COL12A1: variants seen among roughly 807,000 people sequenced by gnomAD.
COL12A1 encodes the protein collagen type XII alpha 1 chain.
Under a neutral mutation model 349.7 loss-of-function variants are expected in COL12A1, and 114 were observed. That is an observed-to-expected ratio of 0.33 (90% CI 0.28 to 0.38). The LOEUF (loss-of-function observed/expected upper bound fraction) is 0.38. Ranked by LOEUF, COL12A1 falls within the 10% of genes least tolerant of loss-of-function variation. The pLI is 1.00. For missense variants in COL12A1, 3,284 were observed against 3,756.9 expected (o/e 0.87, Z 3.29); for synonymous variants, 1,369 against 1,329.0 (o/e 1.03, Z -0.66).
intron 52 of COL12A1, among the ~76,000 whole-genome samples, chr6:75,108,084 T>G (rs1490006271): frequency 6.6e-6 from 1 of 152,090 alleles, no homozygotes; most frequent in African/African-American, 2.4e-5. Flanking sequence ...GATTGATTGA[T>G]TGATTGATTG....
intron 3 of COL12A1, among the ~76,000 whole-genome samples, chr6:75,193,973 T>C (rs1174451437): frequency 6.6e-6 from 1 of 152,188 alleles, no homozygotes; most frequent in East Asian, 1.9e-4. Context: ...ATCCAGTCTA[T>C]CATCGATGGA....
intron 17 of COL12A1, 24 bp from the exon 18 acceptor site, chr6:75,152,506 G>A (rs746876499): frequency 6.2e-7 from 1 of 1,612,280 alleles, no homozygotes; most frequent in African/African-American, 1.3e-5. Context: ...CATGAGACAA[G>A]ACAGTAAGAA....
At chr6:75,175,427 C>T in intron 12 of COL12A1, 117 bp from the exon 13 acceptor site, 1 of 1,223,102 alleles carries the variant, frequency 8.2e-7, no homozygotes, top group Non-Finnish European at 1.1e-6. Context: ...CTGGGTGAGA[C>T]TATGACAATT....
At position 75,197,225 on chromosome 6, in the gene COL12A1, T is replaced by C. The variant is rs191066645; in HGVS notation, c.74-2278A>G. On this transcript the variant is annotated intron_variant, in intron 2 of 65. Coordinates refer to ENST00000322507, the MANE Select transcript of COL12A1 (RefSeq NM_004370.6). ...AATTTTAAAAATATTTTCTTTTACA[T>C]AAAAATAATTCATAAACACCATCAC... Among the ~76,000 whole-genome samples, 4 of 152,276 alleles carry C rather than the reference T, an allele frequency of 2.6e-5. No individual in the cohort carries two copies. In the East Asian group the frequency reaches 7.7e-4, roughly 29 times the overall value.
chr6:75,123,688 C>G (rs924299717), intron 42 of COL12A1, among the ~76,000 whole-genome samples: 8 of 152,154 alleles, frequency 5.3e-5, no homozygotes, highest in Non-Finnish European at 1.0e-4. Context: ...ATGAATTCAC[C>G]TTCTCAGCGA....
intron 3 of COL12A1, among the ~76,000 whole-genome samples, chr6:75,192,805 C>T (rs1334775812): frequency 6.6e-6 from 1 of 151,952 alleles, no homozygotes; most frequent in African/African-American, 2.4e-5. Context: ...AGGTTAAGAC[C>T]AACCCCTAGT....
Position 75,102,019 on chromosome 6 carries a change from G to C in COL12A1, c.8449C>G (p.Pro2817Ala). 16 of 1,614,138 alleles carry C rather than the reference G, an allele frequency of 9.9e-6. No homozygotes were observed. The highest frequency in any genetic ancestry group is 1.4e-5 in the Non-Finnish European group (16 of 1,180,014). Reference sequence around the variant, plus strand: ...CTCACTGTTCGGCCTGGAAGTCCTGGCTCTCCAGCATCACCTTTCATCCCT... The same window carrying C: ...CTCACTGTTCGGCCTGGAAGTCCTGCCTCTCCAGCATCACCTTTCATCCCT... ...RQGMKGDAGE[P>A]GLPGRTGTPG... Residue 2817 changes from proline to alanine, a missense_variant, in exon 57 of 66, where the codon CCA (proline) becomes GCA (alanine). Pro to Ala is a conservative substitution (Grantham distance 27). This residue lies in a region of COL12A1 where 683 missense variants were observed against 932.1 expected (regional missense o/e 0.73). Transcript: ENST00000322507.
At chr6:75,188,291 TCTAAGATAA>T in intron 8 of COL12A1, 62 bp downstream of exon 8, 1 of 1,447,914 alleles carries the variant, frequency 6.9e-7, no homozygotes, top group South Asian at 1.4e-5. Context: ...TATGTCTACT[TCTAAGATAA>T]CTATAAATAC....
intron 13 of COL12A1, among the ~76,000 whole-genome samples, chr6:75,166,571 C>G (rs1768321144): frequency 1.3e-5 from 2 of 152,248 alleles, no homozygotes; most frequent in Admixed American, 6.5e-5. Context: ...AAAACCCTCA[C>G]TCTCCATATT....
chr6:75,103,889 A>C (rs1365756301), intron 54 of COL12A1, 79 bp from the exon 55 acceptor site: 2 of 1,102,074 alleles, frequency 1.8e-6, no homozygotes, highest in Non-Finnish European at 2.6e-6. Context: ...CTTCAAGAAA[A>C]AGTGCAATTT....
At chr6:75,119,510 A>G (rs749039777) in intron 44 of COL12A1, 37 bp from the exon 45 acceptor site, 5 of 1,567,388 alleles carry the variant, frequency 3.2e-6, no homozygotes, top group Non-Finnish European at 4.3e-6. Context: ...AGCATAAGTC[A>G]TCTCATTTTA....
chr6:75,183,863 C>T lies in COL12A1; in HGVS notation c.1279G>A (p.Val427Ile), dbSNP rs1426584838. The change falls in exon 9 of 66, where the codon GTT (valine) becomes ATT (isoleucine). Residue 427 changes from valine to isoleucine, a missense_variant. By Grantham distance (29) the Val-to-Ile change is conservative (BLOSUM62 3). Coordinates refer to ENST00000322507, the MANE Select transcript of COL12A1 (RefSeq NM_004370.6). ...SIMEKTQPMK[V>I]QVECSRGVDI... is the part of the protein sequence containing the mutation. ...GCACACATTGACTTACCCACTTGAA[C>T]TTTCATTGGCTGAGTCTTCTCCATT... 1 of 1,613,862 alleles carries T rather than the reference C, an allele frequency of 6.2e-7. No individual in the cohort carries two copies. The highest frequency in any genetic ancestry group is 2.2e-5 in the East Asian group (1 of 44,882).
intron 54 of COL12A1, 64 bp downstream of exon 54, chr6:75,105,142 C>A: frequency 7.2e-7 from 1 of 1,397,876 alleles, no homozygotes; most frequent in South Asian, 1.2e-5. Context: ...TCCATATTGG[C>A]AAATAGATAA....
chr6:75,115,714 A>G, intron 49 of COL12A1, 70 bp downstream of exon 49: 1 of 1,523,984 alleles, frequency 6.6e-7, no homozygotes, highest in Middle Eastern at 2.2e-4. Context: ...GGATTCTGGG[A>G]AGTCAGCAAA....
chr6:75,191,038 C>T (rs972423622), intron 5 of COL12A1, among the ~76,000 whole-genome samples: 1 of 151,634 alleles, frequency 6.6e-6, no homozygotes, highest in African/African-American at 2.4e-5. Context: ...GTCCAAGAAA[C>T]CCCTTAAGGA....
rs757858823 is a variant in COL12A1, at chr6:75,106,512, A to G, written c.8101-16T>C. ...GGATTTGGAACTGCAAACAACCAAC[A>G]GCAACATCAGCTAAAGATGCATGAA... On this transcript the variant is annotated splice_polypyrimidine_tract_variant and intron_variant, in intron 52 of 65. Coordinates refer to ENST00000322507, the MANE Select transcript of COL12A1 (RefSeq NM_004370.6). The G allele has an allele frequency of 1.2e-6, 2 of 1,612,712 alleles. No homozygotes were observed. The highest frequency in any genetic ancestry group is 3.3e-5 in the Admixed American group (2 of 59,990).
At chr6:75,183,746 A>G in intron 9 of COL12A1, 94 bp from the exon 10 acceptor site, 1 of 1,539,186 alleles carries the variant, frequency 6.5e-7, no homozygotes, top group East Asian at 2.3e-5. Flanking sequence ...TTCTTTAAAA[A>G]AAAAACTATT....
chr6:75,107,727 G>T (rs931631632), intron 52 of COL12A1, among the ~76,000 whole-genome samples: 2 of 152,156 alleles, frequency 1.3e-5, no homozygotes, highest in African/African-American at 4.8e-5. Flanking sequence ...ACTATTTCAA[G>T]ATAGCATATA....
At chr6:75,140,212 T>C (rs1377699462) in intron 27 of COL12A1, among the ~76,000 whole-genome samples, 1 of 152,242 alleles carries the variant, frequency 6.6e-6, no homozygotes, top group Non-Finnish European at 1.5e-5. Context: ...AGCTGTCGTC[T>C]ACTGATGCAT....
Sources: gnomAD v4.1 joint callset for allele counts (sites outside exome capture counted in the v4.1 genomes callset) on GRCh38, gnomAD v4.1.1 for gene constraint, gnomAD v4.1.1 regional missense constraint, MANE v1.5 for transcripts, NCBI Gene and HGNC (gene_info 2026-07-23, HGNC 2026-07-21) for gene names.